YWHAZ: variants seen among roughly 807,000 people sequenced by gnomAD.
The protein encoded by YWHAZ is 14-3-3 protein zeta/delta.
For synonymous variants in YWHAZ, 87 were observed against 103.6 expected, an observed-to-expected ratio of 0.84 and a Z score of 0.97; for missense variants, 79 against 284.8, an observed-to-expected ratio of 0.28 and a Z score of 5.20.
intron 2 of YWHAZ, among the ~76,000 whole-genome samples, chr8:100,942,305 T>C (rs1809926765): frequency 6.6e-6 from 1 of 152,214 alleles, no homozygotes; most frequent in Non-Finnish European, 1.5e-5. Flanking sequence ...CTACTACTTC[T>C]ATCACATTAT....
At chr8:100,930,931 A>G (rs1813716126) in intron 2 of YWHAZ, among the ~76,000 whole-genome samples, 1 of 152,228 alleles carries the variant, frequency 6.6e-6, no homozygotes, top group South Asian at 2.1e-4. Context: ...TGCCACAAGA[A>G]GCCGGTATCT....
rs2130050259 is a variant in YWHAZ, at chr8:100,918,209, G to C, written c.*2484C>G. 1 of 150,776 alleles carries C rather than the reference G, an allele frequency of 6.6e-6. No individual in the cohort carries two copies. The highest frequency in any genetic ancestry group is 2.4e-5 in the African/African-American group (1 of 41,134). 9.3% of individuals were successfully genotyped at this position (150,776 alleles called of 1,614,324 possible). On this transcript the variant is annotated 3_prime_UTR_variant, in exon 6 of 6. Coordinates refer to ENST00000395958, the MANE Select transcript of YWHAZ (RefSeq NM_145690.3). The stretch of plus-strand genomic sequence containing the variant: ...AACACAAAAATTAGCCAGGTGTGGT[G>C]GCGGGCACCTGTAATCCCAGCTACT...
chr8:100,940,803 C>T (rs541136542), intron 2 of YWHAZ, among the ~76,000 whole-genome samples: 1 of 152,136 alleles, frequency 6.6e-6, no homozygotes, highest in African/African-American at 2.4e-5. Context: ...AAACTTGCCC[C>T]AAATCACACA....
chr8:100,918,153 GACA>G lies in YWHAZ; in HGVS notation c.*2537_*2539del, dbSNP rs1385082302. The G allele has an allele frequency of 1.3e-5, 2 of 151,578 alleles. No homozygotes were observed. The highest frequency in any genetic ancestry group is 2.9e-5 in the Non-Finnish European group (2 of 67,938). 9.4% of individuals were successfully genotyped at this position (151,578 alleles called of 1,614,324 possible). On this transcript the variant is annotated 3_prime_UTR_variant, in exon 6 of 6. Transcript: ENST00000395958. The stretch of plus-strand genomic sequence containing the variant: ...AGGTCGGGAATTCAAGACCAGCCTG[GACA>G]ACATGGTGAAACCCTGTCTCTACTA...
At chr8:100,949,701 C>T (rs151103532) in intron 1 of YWHAZ, among the ~76,000 whole-genome samples, 61 of 152,294 alleles carry the variant, frequency 4.0e-4, no homozygotes, top group African/African-American at 1.4e-3. Flanking sequence ...CCAATGTCAT[C>T]GCTCCAGTTG....
chr8:100,928,295 A>G (rs1173113623), intron 2 of YWHAZ, among the ~76,000 whole-genome samples: 2 of 151,850 alleles, frequency 1.3e-5, no homozygotes, highest in African/African-American at 4.8e-5. Context: ...AAAAGAGTTG[A>G]GAAAGGCATA....
In YWHAZ at chr8:100,922,987, ATAAAG is replaced by A. The variant is rs1177224789; in HGVS notation, c.678+963_678+967del. On this transcript the variant is annotated intron_variant, in intron 5 of 5. Coordinates refer to ENST00000395958, the MANE Select transcript of YWHAZ (RefSeq NM_145690.3). The surrounding 1 kb of genome is among the most constrained non-coding windows in gnomAD (Gnocchi z 4.1). ...TTATAGATAGCTCCAAATTGTGCTA[ATAAAG>A]TAATTTTAGGTTTAATAAACAAGTA... 2 of 152,224 alleles carry A rather than the reference ATAAAG, an allele frequency of 1.3e-5. No homozygotes were observed. The highest frequency in any genetic ancestry group is 2.9e-5 in the Non-Finnish European group (2 of 68,048). 9.4% of individuals were successfully genotyped at this position (152,224 alleles called of 1,614,324 possible). A position where few individuals can be genotyped will look rare whatever the true frequency, so the allele number is the denominator to read the frequency against.
Position 100,948,050 on chromosome 8 carries a change from T to C in YWHAZ, c.294+546A>G, listed in dbSNP as rs758818971. 4.7e-6 allele frequency: 7 copies of C among 1,495,360 alleles called. No individual in the cohort carries two copies. In the South Asian group the frequency reaches 7.3e-5, roughly 16 times the overall value. 92.6% of individuals were successfully genotyped at this position (1,495,360 alleles called of 1,614,324 possible). Reference sequence around the variant, plus strand: ...AGCTTGAGTTGTTCATAACCTTTCATCATGGTTGTGAGTGTTCAAAATTTA... The same window carrying C: ...AGCTTGAGTTGTTCATAACCTTTCACCATGGTTGTGAGTGTTCAAAATTTA... On this transcript the variant is annotated intron_variant, in intron 2 of 5. Coordinates refer to ENST00000395958, the MANE Select transcript of YWHAZ (RefSeq NM_145690.3). This position sits in a 1 kb window ranked among gnomAD's most constrained non-coding sequence, Gnocchi z 4.2.
rs578074629 is a variant in YWHAZ at position 100,918,791 on chromosome 8, T to A, written c.*1902A>T. On this transcript the variant is annotated 3_prime_UTR_variant, in exon 6 of 6. Transcript: ENST00000395958. ...GGCACAATAGAACATACAGAAAACA[T>A]TGTCCCTGCTCTTGAGGAGCTTACA... The A allele has an allele frequency of 6.6e-6, 1 of 152,548 alleles. No homozygotes were observed. Among genetic ancestry groups the A allele is most frequent in the Non-Finnish European group, 1.5e-5 (1 of 68,034 alleles). The allele number at this position is 152,548 out of a possible 1,614,324, so 9.4% of individuals were successfully genotyped here.
intron 5 of YWHAZ, among the ~76,000 whole-genome samples, chr8:100,921,354 C>T (rs1813013602): frequency 6.6e-6 from 1 of 152,044 alleles, no homozygotes; most frequent in South Asian, 2.1e-4. Context: ...AAAAACTAAG[C>T]ATCAATAGGT....
In YWHAZ at chr8:100,919,166, G is replaced by A. The variant is rs572466390; in HGVS notation, c.*1527C>T. On this transcript the variant is annotated 3_prime_UTR_variant, in exon 6 of 6. Coordinates refer to ENST00000395958, the MANE Select transcript of YWHAZ (RefSeq NM_145690.3). ...CATGCGGCCTTTTTCCAAGTACATG[G>A]CCACCAAGTAAGAATGGTTGGTGAC... 1 of 152,440 alleles carries A rather than the reference G, an allele frequency of 6.6e-6. No homozygotes were observed. The highest frequency in any genetic ancestry group is 2.1e-4 in the South Asian group (1 of 4,828). 9.4% of individuals were successfully genotyped at this position (152,440 alleles called of 1,614,324 possible).
At chr8:100,926,567 C>T (rs1374659486) in intron 2 of YWHAZ, among the ~76,000 whole-genome samples, 1 of 152,104 alleles carries the variant, frequency 6.6e-6, no homozygotes, top group Non-Finnish European at 1.5e-5. Context: ...TGCAGTGAGC[C>T]GAGGTTGCAC....
chr8:100,950,160 T>C (rs981134114), intron 1 of YWHAZ, among the ~76,000 whole-genome samples: 1 of 152,202 alleles, frequency 6.6e-6, no homozygotes, highest in Non-Finnish European at 1.5e-5. Flanking sequence ...CGTAAACTAT[T>C]TAACCTTTAT....
At chr8:100,947,187 G>GAGCTTGCAGTGAGCCGA (rs1810356118) in intron 2 of YWHAZ, among the ~76,000 whole-genome samples, 3 of 150,202 alleles carry the variant, frequency 2.0e-5, no homozygotes, top group Non-Finnish European at 4.4e-5. Context: ...CCGGGAGGCG[G>GAGCTTGCAGTGAGCCGA]AGCTTGCAGT....
intron 2 of YWHAZ, among the ~76,000 whole-genome samples, chr8:100,930,336 A>T (rs557282450): frequency 6.6e-6 from 1 of 152,282 alleles, no homozygotes; most frequent in African/African-American, 2.4e-5. Flanking sequence ...TGACCTCATG[A>T]TCCACCTGCC....
Position 100,919,094 on chromosome 8 carries a change from A to G in YWHAZ, c.*1599T>C, listed in dbSNP as rs1311397122. On this transcript the variant is annotated 3_prime_UTR_variant, in exon 6 of 6. Coordinates refer to ENST00000395958, the MANE Select transcript of YWHAZ (RefSeq NM_145690.3). The stretch of plus-strand genomic sequence containing the variant: ...TGAGGGAAATAGTCTGTGGGATGCA[A>G]GCAAAGGAAGCAGGGTGCCTTAGAC... 7 of 152,196 alleles carry G rather than the reference A, an allele frequency of 4.6e-5. No homozygotes were observed. The highest frequency in any genetic ancestry group is 1.2e-4 in the African/African-American group (5 of 41,436). The allele number at this position is 152,196 out of a possible 1,614,324, so 9.4% of individuals were successfully genotyped here. A position where few individuals can be genotyped will look rare whatever the true frequency, so the allele number is the denominator to read the frequency against.
chr8:100,919,396 T>C lies in YWHAZ; in HGVS notation c.*1297A>G, dbSNP rs1812871427. 1 of 152,598 alleles carries C rather than the reference T, an allele frequency of 6.6e-6. No individual in the cohort carries two copies. Among genetic ancestry groups the C allele is most frequent in the Non-Finnish European group, 1.5e-5 (1 of 68,032 alleles). The allele number at this position is 152,598 out of a possible 1,614,324, so 9.5% of individuals were successfully genotyped here. A position where few individuals can be genotyped will look rare whatever the true frequency, so the allele number is the denominator to read the frequency against. ...TGGCTTCCTAAGTTAGAAAATGCCA[T>C]ATGCCAAAATTTTAAATGGAACACA... is the stretch of plus-strand genomic sequence containing the variant. On this transcript the variant is annotated 3_prime_UTR_variant, in exon 6 of 6. Coordinates refer to ENST00000395958, the MANE Select transcript of YWHAZ (RefSeq NM_145690.3).
chr8:100,921,159 G>A (rs914174759), intron 5 of YWHAZ, among the ~76,000 whole-genome samples: 1 of 152,024 alleles, frequency 6.6e-6, no homozygotes, highest in African/African-American at 2.4e-5. Context: ...TCAGCCTCCT[G>A]AGTAGCTGGG....
chr8:100,924,857 A>G lies in YWHAZ; in HGVS notation c.418+59T>C. On this transcript the variant is annotated intron_variant, in intron 3 of 5. Transcript: ENST00000395958. This position sits in a 1 kb window ranked among gnomAD's most constrained non-coding sequence, Gnocchi z 5.7. ...ACAAGACATTATGTACGCTTCAGAGACTCTTCCTCACTATGTTATCTTATA... is the reference window on the plus strand; with the variant it reads ...ACAAGACATTATGTACGCTTCAGAGGCTCTTCCTCACTATGTTATCTTATA... The G allele has an allele frequency of 2.5e-6, 4 of 1,602,334 alleles. No individual in the cohort carries two copies. The South Asian group carries it at 4.4e-5, about 18-fold the overall frequency.
Sources: gnomAD v4.1 joint callset for allele counts (sites outside exome capture counted in the v4.1 genomes callset) on GRCh38, gnomAD v4.1.1 for gene constraint, Gnocchi (gnomAD v3.1) non-coding constraint, MANE v1.5 for transcripts, NCBI Gene and HGNC (gene_info 2026-07-23, HGNC 2026-07-21) for gene names.